Variants in MRC1 observed in about 807,000 individuals in gnomAD.
The protein encoded by MRC1 is mannose receptor C-type 1.
MRC1 carries 62 observed loss-of-function variants against 102.9 expected under a neutral mutation model. That is an observed-to-expected ratio of 0.60 (90% CI 0.49 to 0.74). MRC1 has a LOEUF of 0.74. Among genes scored for constraint, MRC1 ranks in the 30% least tolerant of loss-of-function variants. The probability of loss-of-function intolerance (pLI) is 0.00; values close to 1 mark genes in which losing one functional copy is unlikely to be tolerated. For synonymous variants in MRC1, 457 were observed against 298.4 expected, an observed-to-expected ratio of 1.53 and a Z score of -5.48; for missense variants, 1,237 against 862.8, an observed-to-expected ratio of 1.43 and a Z score of -5.43.
intron 5 of MRC1, chr10:17,845,045 T>C (rs1838804879): frequency 1.3e-6 from 1 of 749,720 alleles, no homozygotes; most frequent in South Asian, 1.4e-5. Context: ...AAGGGTTGTT[T>C]CAAAGAAGTA....
intron 1 of MRC1, among the ~76,000 whole-genome samples, chr10:17,811,594 T>C (rs1474341454): frequency 3.9e-5 from 6 of 152,126 alleles, no homozygotes; most frequent in Non-Finnish European, 7.4e-5. Flanking sequence ...CTGGTTTCAC[T>C]CTGTCACCCA....
Position 17,815,863 on chromosome 10 carries a change from G to T in MRC1, c.61+6337G>T, listed in dbSNP as rs988518807. 2.5e-3 allele frequency among the ~76,000 whole-genome samples: 369 copies of T among 147,970 alleles called. 3 individuals are homozygous for T. Among genetic ancestry groups the T allele is most frequent in the Non-Finnish European group, 2.7e-3 (179 of 67,478 alleles). ...TTTTTTTGAGATGGTGTCTCACTCT[G>T]TCGCCCAGGCTACAGTGCAGTGGCA... On this transcript the variant is annotated intron_variant, in intron 1 of 29. Transcript: ENST00000569591.
At chr10:17,828,181 C>G (rs933871713) in intron 3 of MRC1, among the ~76,000 whole-genome samples, 5 of 152,094 alleles carry the variant, frequency 3.3e-5, no homozygotes, top group African/African-American at 1.2e-4. Flanking sequence ...AGTTCACGCC[C>G]TTCTCCTGCC....
chr10:17,836,646 C>T (rs1838668174), intron 4 of MRC1, among the ~76,000 whole-genome samples: 1 of 151,824 alleles, frequency 6.6e-6, no homozygotes, highest in African/African-American at 2.4e-5. Flanking sequence ...ACCTGCTTGG[C>T]CAACATGGTG....
At chr10:17,893,665 T>G (rs1480490541) in intron 22 of MRC1, among the ~76,000 whole-genome samples, 1 of 152,180 alleles carries the variant, frequency 6.6e-6, no homozygotes, top group Non-Finnish European at 1.5e-5. Flanking sequence ...GGCAAACACA[T>G]TCACAACCAA....
chr10:17,841,806 A>G (rs1838755578), intron 5 of MRC1, among the ~76,000 whole-genome samples: 1 of 149,248 alleles, frequency 6.7e-6, no homozygotes, highest in Admixed American at 6.7e-5. Flanking sequence ...TGGGTGTGGG[A>G]AAGGAGAGAA....
rs1833496477 is a variant in MRC1, at chr10:17,880,343, A to G, written c.2720-182A>G. Among the ~76,000 whole-genome samples, 3 of 152,366 alleles carry G rather than the reference A, an allele frequency of 2.0e-5. No individual in the cohort carries two copies. The South Asian group carries it at 6.2e-4, about 32-fold the overall frequency. On this transcript the variant is annotated intron_variant, in intron 19 of 29. Coordinates refer to ENST00000569591, the MANE Select transcript of MRC1 (RefSeq NM_002438.4). ...ATGCTCTCTATAAAGTGGAACTATTATTAGTTTAAGTAAAACAGCAAAAGG... is the reference window on the plus strand; with the variant it reads ...ATGCTCTCTATAAAGTGGAACTATTGTTAGTTTAAGTAAAACAGCAAAAGG...
At position 17,900,262 on chromosome 10, in the gene MRC1, C is replaced by T. The variant is rs1041015182; in HGVS notation, c.3484-526C>T. Among the ~76,000 whole-genome samples the T allele has an allele frequency of 1.0e-3, 150 of 146,152 alleles. 1 individual carries two copies. In the East Asian group the frequency reaches 0.021, roughly 21 times the overall value. ...ATCAAGAGACTAAGGCTTCTCTCTT[C>T]CATACCCTTACCTCTCTTCCATACC... On this transcript the variant is annotated intron_variant, in intron 24 of 29. Coordinates refer to ENST00000569591, the MANE Select transcript of MRC1 (RefSeq NM_002438.4).
intron 9 of MRC1, among the ~76,000 whole-genome samples, chr10:17,859,979 C>T (rs1833158561): frequency 6.6e-6 from 1 of 152,248 alleles, no homozygotes; most frequent in African/African-American, 2.4e-5. Context: ...CTCCTTTAAC[C>T]AAGGGGTTAC....
At chr10:17,816,083 T>C (rs904915314) in intron 1 of MRC1, among the ~76,000 whole-genome samples, 5 of 152,058 alleles carry the variant, frequency 3.3e-5, no homozygotes, top group African/African-American at 9.7e-5. Flanking sequence ...CTTGGCCTCC[T>C]GTTCAACATT....
At position 17,861,481 on chromosome 10, in the gene MRC1, A is replaced by C. The variant is rs1833183025; in HGVS notation, c.1613A>C (p.Tyr538Ser). 1 of 871,728 alleles carries C rather than the reference A, an allele frequency of 1.1e-6. No homozygotes were observed. The highest frequency in any genetic ancestry group is 1.6e-5 in the African/African-American group (1 of 61,306). 54.0% of individuals were successfully genotyped at this position (871,728 alleles called of 1,614,324 possible). The stretch of plus-strand genomic sequence containing the variant: ...CAAACCTGTAATAATGAGAATGCTT[A>C]TTTAACAACTATTGAAGACAGGTAT... ...ANQTCNNENA[Y>S]LTTIEDRYEQ... The change falls in exon 10 of 30, where the codon TAT (tyrosine) becomes TCT (serine). Residue 538 changes from tyrosine (Y) to serine (S), a missense_variant. Tyr to Ser is a moderately radical substitution (Grantham distance 144). Transcript: ENST00000569591.
Position 17,870,242 on chromosome 10 carries a change from T to G in MRC1, c.1984-4T>G, listed in dbSNP as rs1833335551. 10 of 779,986 alleles carry G rather than the reference T, an allele frequency of 1.3e-5. No individual in the cohort carries two copies. The Admixed American group carries it at 1.7e-4, about 13-fold the overall frequency. The allele number at this position is 779,986 out of a possible 1,614,324, so 48.3% of individuals were successfully genotyped here. A position where few individuals can be genotyped will look rare whatever the true frequency, so the allele number is the denominator to read the frequency against. On this transcript the variant is annotated splice_polypyrimidine_tract_variant and splice_region_variant and intron_variant, in intron 12 of 29. Transcript: ENST00000569591. ...AATAATTTTTGTAACCATATCATCT[T>G]CAGCTGTATGCAAAAGGAAAACATG... is the stretch of plus-strand genomic sequence containing the variant.
chr10:17,897,106 A>T (rs1833765894), intron 23 of MRC1, among the ~76,000 whole-genome samples: 1 of 152,214 alleles, frequency 6.6e-6, no homozygotes, highest in South Asian at 2.1e-4. Flanking sequence ...TAACATTTAC[A>T]TGTCATGAAA....
Position 17,881,170 on chromosome 10 carries a change from A to G in MRC1, c.2969A>G (p.Glu990Gly), listed in dbSNP as rs1353402246. The G allele has an allele frequency of 1.3e-6, 1 of 780,566 alleles. No homozygotes were observed. The highest frequency in any genetic ancestry group is 2.4e-6 in the Non-Finnish European group (1 of 417,912). 48.4% of individuals were successfully genotyped at this position (780,566 alleles called of 1,614,324 possible). The change falls in exon 21 of 30, where the codon GAA becomes GGA. Residue 990 changes from glutamate to glycine, a missense_variant. Transcript: ENST00000569591. Reference protein sequence around the residue: ...FGGNLVSIQNEKEQAFLTYHM... With the variant: ...FGGNLVSIQNGKEQAFLTYHM... ...GGGAATCTGGTCTCCATACAAAATGAAAAAGAGCAAGGTAGGCAGGCCATT... is the reference window on the plus strand; with the variant it reads ...GGGAATCTGGTCTCCATACAAAATGGAAAAGAGCAAGGTAGGCAGGCCATT...
chr10:17,859,171 T>G (rs1833141801), intron 9 of MRC1, among the ~76,000 whole-genome samples: 1 of 152,246 alleles, frequency 6.6e-6, no homozygotes, highest in East Asian at 1.9e-4. Flanking sequence ...CTTTTCTTTG[T>G]GCATACTATT....
Position 17,852,940 on chromosome 10 carries a change from T to C in MRC1, c.1250-27T>C, listed in dbSNP as rs973539429. ...ACCTTTGGAAAGCAACCCTTGTATA[T>C]ACCACTGTGTGTTTCTTCCTGTTTA... On this transcript the variant is annotated intron_variant, in intron 7 of 29. Transcript: ENST00000569591. 3.5e-5 allele frequency: 27 copies of C among 780,716 alleles called. No homozygotes were observed. The Middle Eastern group carries it at 1.3e-3, about 39-fold the overall frequency. 48.4% of individuals were successfully genotyped at this position (780,716 alleles called of 1,614,324 possible).
chr10:17,827,391 A>AG, intron 2 of MRC1, 151 bp from the exon 3 acceptor site: 1 of 181,538 alleles, frequency 5.5e-6, no homozygotes, highest in Non-Finnish European at 9.8e-6. Flanking sequence ...AAAAAAAAAA[A>AG]AAAAAAAAAA....
intron 4 of MRC1, among the ~76,000 whole-genome samples, chr10:17,839,489 ATTTGTGAAAAT>A (rs1838718307): frequency 3.7e-5 from 2 of 53,884 alleles, no homozygotes; most frequent in Admixed American, 1.8e-4. Flanking sequence ...ACTTTAAAGA[ATTTGTGAAAAT>A]TCTTTTAAAG....
intron 5 of MRC1, among the ~76,000 whole-genome samples, chr10:17,844,239 GAC>G (rs1838792122): frequency 6.6e-6 from 1 of 151,878 alleles, no homozygotes; most frequent in South Asian, 2.1e-4. Flanking sequence ...TTATTTTTGA[GAC>G]AGAGTCTCAC....
Sources: gnomAD v4.1 joint callset for allele counts (sites outside exome capture counted in the v4.1 genomes callset) on GRCh38, gnomAD v4.1.1 for gene constraint, MANE v1.5 for transcripts, NCBI Gene and HGNC (gene_info 2026-07-23, HGNC 2026-07-21) for gene names.